Variants in PAX3 observed in about 807,000 individuals in gnomAD.
PAX3 encodes paired box protein Pax-3.
Under a neutral mutation model 51.6 loss-of-function variants are expected in PAX3, and 14 were observed. The observed-to-expected ratio is 0.27, with a 90% confidence interval of 0.18 to 0.42. The LOEUF (loss-of-function observed/expected upper bound fraction) is 0.42, where lower values mean the gene tolerates loss of function less well. PAX3 is among the 10% of genes least tolerant of loss of function. PAX3 has a pLI of 1.00. For synonymous variants in PAX3, 280 were observed against 253.4 expected, an observed-to-expected ratio of 1.11 and a Z score of -1.00; for missense variants, 540 against 642.8, an observed-to-expected ratio of 0.84 and a Z score of 1.73.
intron 4 of PAX3, among the ~76,000 whole-genome samples, chr2:222,269,929 TAGAA>T (rs1485017129): frequency 2.6e-5 from 4 of 152,116 alleles, no homozygotes; most frequent in African/African-American, 9.6e-5. Flanking sequence ...ATTCTTTTAG[TAGAA>T]AGAATTTAGT....
chr2:222,221,738 T>C (rs1255475869), intron 5 of PAX3: 1 of 312,710 alleles, frequency 3.2e-6, no homozygotes, highest in East Asian at 7.8e-5. Flanking sequence ...CTGGGGAGGA[T>C]ACATGAGCCT....
chr2:222,265,647 G>GAAGGAAGA (rs1244211221), intron 4 of PAX3, among the ~76,000 whole-genome samples: 1 of 21,998 alleles, frequency 4.5e-5, no homozygotes, highest in Non-Finnish European at 9.6e-5. Flanking sequence ...TCAAAAAAAA[G>GAAGGAAGA]AAGGAAGGAA....
intron 4 of PAX3, among the ~76,000 whole-genome samples, chr2:222,284,182 C>T (rs1694744984): frequency 6.6e-6 from 1 of 152,132 alleles, no homozygotes; most frequent in South Asian, 2.1e-4. Context: ...ACGTGCAGAG[C>T]TATAAAGACC....
At chr2:222,229,630 C>T (rs1416390376) in intron 5 of PAX3, among the ~76,000 whole-genome samples, 1 of 152,168 alleles carries the variant, frequency 6.6e-6, no homozygotes, top group Non-Finnish European at 1.5e-5. Context: ...AGCTCACTGG[C>T]CTGAAACCCA....
chr2:222,263,384 C>T (rs561257724), intron 4 of PAX3: 19 of 152,008 alleles, frequency 1.2e-4, no homozygotes, highest in Middle Eastern at 3.2e-3. Flanking sequence ...CATCATTAGC[C>T]ATTAGAGAAA....
intron 4 of PAX3, among the ~76,000 whole-genome samples, chr2:222,270,060 A>C (rs1419073272): frequency 2.0e-5 from 3 of 152,228 alleles, no homozygotes; most frequent in Non-Finnish European, 4.4e-5. Context: ...CCCTTGCAAC[A>C]CTGTAGCTGA....
At chr2:222,245,093 A>C (rs1240224809) in intron 4 of PAX3, among the ~76,000 whole-genome samples, 12 of 152,208 alleles carry the variant, frequency 7.9e-5, no homozygotes, top group Non-Finnish European at 1.2e-4. Flanking sequence ...GTTTGCAGTG[A>C]GCTGAGATCA....
intron 4 of PAX3, among the ~76,000 whole-genome samples, chr2:222,265,426 G>A (rs1031376109): frequency 1.3e-5 from 2 of 152,174 alleles, no homozygotes; most frequent in East Asian, 1.9e-4. Flanking sequence ...GGCCAAGGCG[G>A]GTGGATCATG....
At chr2:222,214,102 A>G (rs1019330527) in intron 7 of PAX3, among the ~76,000 whole-genome samples, 9 of 152,216 alleles carry the variant, frequency 5.9e-5, no homozygotes. Flanking sequence ...GCAAACAACC[A>G]TCATTTTGCC....
intron 4 of PAX3, among the ~76,000 whole-genome samples, chr2:222,237,367 T>C (rs996530835): frequency 9.2e-6 from 1 of 109,278 alleles, no homozygotes; most frequent in Non-Finnish European, 2.0e-5. Flanking sequence ...CACAGTTCTT[T>C]TGAAGAGGAA....
chr2:222,265,503 A>G (rs886723083), intron 4 of PAX3, among the ~76,000 whole-genome samples: 4 of 145,380 alleles, frequency 2.8e-5, no homozygotes, highest in African/African-American at 9.8e-5. Context: ...AATACAAAAA[A>G]ATAGCCGGGC....
At chr2:222,296,262 G>C (rs977856034) in intron 2 of PAX3, among the ~76,000 whole-genome samples, 1 of 152,232 alleles carries the variant, frequency 6.6e-6, no homozygotes, top group African/African-American at 2.4e-5. Flanking sequence ...TGTTTCAGTA[G>C]GTGGGAAGGA....
At chr2:222,206,117 C>T (rs1691498823) in intron 7 of PAX3, among the ~76,000 whole-genome samples, 1 of 150,700 alleles carries the variant, frequency 6.6e-6, no homozygotes, top group Admixed American at 6.7e-5. Flanking sequence ...ATTTCTACTA[C>T]AGGGCTGGCA....
chr2:222,250,722 T>G (rs1205197894), intron 4 of PAX3, among the ~76,000 whole-genome samples: 1 of 152,232 alleles, frequency 6.6e-6, no homozygotes, highest in East Asian at 1.9e-4. Context: ...TATCCAAAGA[T>G]GTGGCTTTAT....
chr2:222,232,430 C>G, intron 4 of PAX3, 147 bp from the exon 5 acceptor site: 1 of 707,798 alleles, frequency 1.4e-6, no homozygotes, highest in African/African-American at 1.8e-5. Context: ...AAAAACAAGT[C>G]TAACCAATCC....
chr2:222,288,291 A>G (rs1361319542), intron 4 of PAX3, among the ~76,000 whole-genome samples: 3 of 152,382 alleles, frequency 2.0e-5, no homozygotes, highest in Non-Finnish European at 2.9e-5. Context: ...GGACAAACAT[A>G]TCTTCATTTT....
At position 222,291,969 on chromosome 2, in the gene PAX3, GGTGTGTGTGTGTGT is replaced by G. The variant is rs3997675; in HGVS notation, c.586+2184_586+2197del. 1.1e-3 allele frequency among the ~76,000 whole-genome samples: 151 copies of G among 133,728 alleles called. 1 individual carries two copies. In the South Asian group the frequency reaches 0.015, roughly 13 times the overall value. The allele number at this position is 133,728 out of a possible 152,430, so 87.7% of individuals were successfully genotyped here. On this transcript the variant is annotated intron_variant, in intron 4 of 8. Transcript: ENST00000392070. ...AATTAAATCAGGCTTCAGCCTCCAAGGTGTGTGTGTGTGTGTGTGTGTGTGTGTGTGTGTGTGTG... is the reference window on the plus strand; with the variant it reads ...AATTAAATCAGGCTTCAGCCTCCAAGGTGTGTGTGTGTGTGTGTGTGTGTG...
intron 4 of PAX3, among the ~76,000 whole-genome samples, chr2:222,279,446 C>T (rs1199732666): frequency 6.6e-6 from 1 of 152,162 alleles, no homozygotes; most frequent in African/African-American, 2.4e-5. Flanking sequence ...AAGGTCAGCC[C>T]ACAGGGCCCT....
chr2:222,247,491 CTT>C (rs746448633), intron 4 of PAX3, among the ~76,000 whole-genome samples: 6 of 152,090 alleles, frequency 3.9e-5, no homozygotes, highest in Non-Finnish European at 8.8e-5. Flanking sequence ...GCAGAAAACT[CTT>C]TACTCTAGAT....
Sources: allele counts gnomAD v4.1 joint callset (sites outside exome capture counted in the v4.1 genomes callset), GRCh38; gene constraint gnomAD v4.1.1; transcripts MANE v1.5; gene names NCBI Gene and HGNC (gene_info 2026-07-23, HGNC 2026-07-21).